Variants in RNF128 observed in about 807,000 individuals in gnomAD.
RNF128 encodes the protein E3 ubiquitin-protein ligase RNF128.
In RNF128, 13 loss-of-function variants were observed where a neutral mutation model predicts 26.2. The observed-to-expected ratio is 0.50, with a 90% CI of 0.32 to 0.79. The LOEUF (loss-of-function observed/expected upper bound fraction) is 0.79. Among genes scored for constraint, RNF128 ranks in the 30% least tolerant of loss-of-function variants. RNF128 has a pLI of 0.03. For synonymous variants in RNF128, 149 were observed against 142.5 expected, an observed-to-expected ratio of 1.05 and a Z score of -0.32; for missense variants, 315 against 349.7, an observed-to-expected ratio of 0.90 and a Z score of 0.79.
intron 1 of RNF128, among the ~76,000 whole-genome samples, chrX:106,710,307 T>G (rs1028534535): frequency 8.9e-6 from 1 of 112,436 alleles, no homozygotes; most frequent in African/African-American, 3.2e-5. Context: ...GCACTACTTT[T>G]GCACCTGTTA....
intron 1 of RNF128, among the ~76,000 whole-genome samples, chrX:106,705,343 ATGAC>A (rs1217131787): frequency 8.9e-6 from 1 of 112,203 alleles, no homozygotes; most frequent in Non-Finnish European, 1.9e-5. Flanking sequence ...TCTGTTTGTT[ATGAC>A]TAATGCTAAT....
intron 6 of RNF128, among the ~76,000 whole-genome samples, chrX:106,792,552 A>G (rs1446846889): frequency 9.0e-6 from 1 of 111,125 alleles, no homozygotes; most frequent in Non-Finnish European, 1.9e-5. Context: ...CTGTGTTCTC[A>G]ATTCTGTCCC....
intron 1 of RNF128, among the ~76,000 whole-genome samples, chrX:106,751,509 G>C (rs1602378420): frequency 9.0e-6 from 1 of 110,735 alleles, no homozygotes; most frequent in East Asian, 2.9e-4. Flanking sequence ...CTGCAATTTT[G>C]AGGCAAGTCC....
At chrX:106,699,356 A>T (rs1451802123) in intron 1 of RNF128, among the ~76,000 whole-genome samples, 3 of 112,193 alleles carry the variant, frequency 2.7e-5, no homozygotes, top group African/African-American at 9.7e-5. Flanking sequence ...CTGTTTTTTA[A>T]CAAAGAGAAA....
intron 1 of RNF128, among the ~76,000 whole-genome samples, chrX:106,730,636 A>C (rs1190316221): frequency 8.9e-6 from 1 of 111,896 alleles, no homozygotes; most frequent in Non-Finnish European, 1.9e-5. Flanking sequence ...CACAACCCAC[A>C]GGTTGAAGAG....
chrX:106,781,896 G>A (rs1031783513), intron 2 of RNF128, among the ~76,000 whole-genome samples: 1 of 110,458 alleles, frequency 9.1e-6, no homozygotes, highest in South Asian at 3.8e-4. Context: ...TTCTAGCATC[G>A]CCCTTAATGC....
At chrX:106,768,098 G>A (rs1228722461) in intron 1 of RNF128, among the ~76,000 whole-genome samples, 2 of 111,907 alleles carry the variant, frequency 1.8e-5, no homozygotes, top group African/African-American at 6.5e-5. Flanking sequence ...TTTTTGATGT[G>A]CTGCTGGATT....
chrX:106,768,118 A>G (rs1372536996), intron 1 of RNF128, among the ~76,000 whole-genome samples: 2 of 111,758 alleles, frequency 1.8e-5, no homozygotes, highest in Non-Finnish European at 3.8e-5. Flanking sequence ...TCGGCTTGCC[A>G]GTATCTTATT....
intron 1 of RNF128, among the ~76,000 whole-genome samples, chrX:106,706,021 G>T: frequency 9.0e-6 from 1 of 111,492 alleles, no homozygotes; most frequent in Non-Finnish European, 1.9e-5. Context: ...CTCAATAAGG[G>T]CAGCTTAAAG....
At chrX:106,697,026 A>T (rs1183847430) in intron 1 of RNF128, among the ~76,000 whole-genome samples, 1 of 111,474 alleles carries the variant, frequency 9.0e-6, no homozygotes, top group Non-Finnish European at 1.9e-5. Context: ...GGGACTCTTA[A>T]TGTTAAACCA....
chrX:106,744,587 G>C (rs1345742431), intron 1 of RNF128, among the ~76,000 whole-genome samples: 1 of 110,297 alleles, frequency 9.1e-6, no homozygotes, highest in Non-Finnish European at 1.9e-5. Context: ...AGCCTCCCAA[G>C]TAGCTAGGAC....
intron 1 of RNF128, among the ~76,000 whole-genome samples, chrX:106,742,309 A>G (rs1451951083): frequency 8.9e-6 from 1 of 112,148 alleles, no homozygotes; most frequent in East Asian, 2.8e-4. Flanking sequence ...ATAGACTGCT[A>G]TCTTGAAACT....
At position 106,765,844 on chromosome X, in the gene RNF128, T is replaced by A. The variant is rs187297864; in HGVS notation, c.485-7069T>A. Among the ~76,000 whole-genome samples, 769 of 110,047 alleles carry A rather than the reference T, an allele frequency of 7.0e-3. 9 individuals are homozygous for A. The highest frequency in any genetic ancestry group is 0.013 in the Admixed American group (134 of 10,206). Reference sequence around the variant, plus strand: ...AACTAACTCGTCATTTATATTAGGTTTATCTCCTAATGCTATCCCCCCCAG... The same window carrying A: ...AACTAACTCGTCATTTATATTAGGTATATCTCCTAATGCTATCCCCCCCAG... On this transcript the variant is annotated intron_variant, in intron 1 of 6. Coordinates refer to ENST00000255499, the MANE Select transcript of RNF128 (RefSeq NM_194463.2).
intron 1 of RNF128, among the ~76,000 whole-genome samples, chrX:106,761,973 A>C (rs1930127530): frequency 9.1e-6 from 1 of 109,920 alleles, no homozygotes; most frequent in Non-Finnish European, 1.9e-5. Flanking sequence ...TAATTTAAAA[A>C]TTTATAATTG....
chrX:106,789,063 C>A (rs1313132780), intron 4 of RNF128, among the ~76,000 whole-genome samples: 87 of 81,046 alleles, frequency 1.1e-3, no homozygotes, highest in African/African-American at 4.0e-3. Flanking sequence ...ATATAGTATA[C>A]AATAGTGTAT....
intron 4 of RNF128, among the ~76,000 whole-genome samples, chrX:106,788,708 T>C (rs1306970437): frequency 2.3e-4 from 14 of 61,627 alleles, no homozygotes; most frequent in African/African-American, 6.4e-5. Context: ...AAATATATTT[T>C]ATATATAGTA....
At chrX:106,751,194 T>C (rs1929878208) in intron 1 of RNF128, among the ~76,000 whole-genome samples, 1 of 111,229 alleles carries the variant, frequency 9.0e-6, no homozygotes. Flanking sequence ...ATAGGAAAGA[T>C]AGTCATTAAT....
chrX:106,738,414 C>T lies in RNF128; in HGVS notation c.484+11017C>T, dbSNP rs192892199. On this transcript the variant is annotated intron_variant, in intron 1 of 6. Transcript: ENST00000255499. Reference sequence around the variant, plus strand: ...TGGTTATTATAGATATTTACTACCACACTTTGAAATATGTAATTGTTTCAT... The same window carrying T: ...TGGTTATTATAGATATTTACTACCATACTTTGAAATATGTAATTGTTTCAT... Among the ~76,000 whole-genome samples, 145 of 111,652 alleles carry T rather than the reference C, an allele frequency of 1.3e-3. 1 individual carries two copies. The highest frequency in any genetic ancestry group is 4.5e-3 in the African/African-American group (138 of 30,775).
intron 1 of RNF128, among the ~76,000 whole-genome samples, chrX:106,714,008 T>C (rs938937397): frequency 2.5e-4 from 28 of 110,523 alleles, no homozygotes; most frequent in African/African-American, 9.2e-4. Flanking sequence ...ACCCCGTCTC[T>C]ACTAAAAATA....
Sources: gnomAD v4.1 joint callset for allele counts (sites outside exome capture counted in the v4.1 genomes callset) on GRCh38, gnomAD v4.1.1 for gene constraint, MANE v1.5 for transcripts, NCBI Gene and HGNC (gene_info 2026-07-23, HGNC 2026-07-21) for gene names.